Variants in USH2A observed in about 807,000 individuals in gnomAD.
USH2A encodes the protein usherin, also known as Usher syndrome 2A (autosomal recessive, mild).
A neutral mutation model predicts 538.9 loss-of-function variants in USH2A; 443 were observed. That is an observed-to-expected ratio of 0.82 (90% CI 0.76 to 0.89). The LOEUF (loss-of-function observed/expected upper bound fraction) is 0.89, where lower values mean the gene tolerates loss of function less well. Ranked by LOEUF, USH2A falls within the 40% of genes least tolerant of loss-of-function variation. The pLI is 0.00. For missense variants in USH2A, 6,633 were observed against 6,324.8 expected, an observed-to-expected ratio of 1.05 and a Z score of -1.65; for synonymous variants, 2,413 against 2,273.5, an observed-to-expected ratio of 1.06 and a Z score of -1.75.
intron 35 of USH2A, among the ~76,000 whole-genome samples, chr1:215,984,913 G>A (rs1203513610): frequency 1.3e-5 from 2 of 152,178 alleles, no homozygotes; most frequent in African/African-American, 4.8e-5. Flanking sequence ...AATTAAAAAG[G>A]AAAAGAGAGA....
At chr1:215,986,310 C>CTTTTTTTT (rs34962559) in intron 35 of USH2A, among the ~76,000 whole-genome samples, 2 of 131,426 alleles carry the variant, frequency 1.5e-5, no homozygotes, top group African/African-American at 2.8e-5. Context: ...TTTTCTTTTT[C>CTTTTTTTT]TTTTTTTTTT....
intron 35 of USH2A, among the ~76,000 whole-genome samples, chr1:215,979,660 T>A (rs1165049617): frequency 6.6e-6 from 1 of 152,178 alleles, no homozygotes; most frequent in Non-Finnish European, 1.5e-5. Context: ...AGCAGTAGTC[T>A]GTGGCAGAAG....
intron 37 of USH2A, among the ~76,000 whole-genome samples, chr1:215,948,167 T>A (rs1172672690): frequency 6.6e-6 from 1 of 152,040 alleles, no homozygotes; most frequent in Non-Finnish European, 1.5e-5. Flanking sequence ...AGTTTTAAGG[T>A]CTTTTGTTTC....
At chr1:215,788,433 T>C in intron 51 of USH2A, among the ~76,000 whole-genome samples, 1 of 152,144 alleles carries the variant, frequency 6.6e-6, no homozygotes, top group Admixed American at 6.5e-5. Context: ...GCATGAAGCA[T>C]CACAAGATGT....
chr1:216,374,553 C>T (rs957519682), intron 3 of USH2A, among the ~76,000 whole-genome samples: 2 of 152,014 alleles, frequency 1.3e-5, no homozygotes, highest in Non-Finnish European at 2.9e-5. Flanking sequence ...TACAATTTTC[C>T]CCTTTGCAAT....
chr1:216,043,520 G>A (rs2030378373), intron 32 of USH2A, among the ~76,000 whole-genome samples: 1 of 152,016 alleles, frequency 6.6e-6, no homozygotes, highest in African/African-American at 2.4e-5. Flanking sequence ...CTATTACCAT[G>A]GATGTAGGCA....
chr1:216,348,309 G>A (rs2038217242), intron 4 of USH2A, among the ~76,000 whole-genome samples: 1 of 152,008 alleles, frequency 6.6e-6, no homozygotes, highest in African/African-American at 2.4e-5. Context: ...TTCCTTTAAG[G>A]AATCAATCTT....
At chr1:215,762,071 G>A (rs970142766) in intron 56 of USH2A, among the ~76,000 whole-genome samples, 2 of 152,104 alleles carry the variant, frequency 1.3e-5, no homozygotes, top group Non-Finnish European at 1.5e-5. Context: ...ACTTTCTAAG[G>A]AGCAATATAT....
chr1:215,822,959 A>T (rs568753909), intron 47 of USH2A, among the ~76,000 whole-genome samples: 1 of 152,112 alleles, frequency 6.6e-6, no homozygotes, highest in East Asian at 1.9e-4. Flanking sequence ...TTTTGACTTT[A>T]TGTCGTCTCA....
At chr1:216,163,736 C>G (rs1006956678) in intron 21 of USH2A, among the ~76,000 whole-genome samples, 2 of 151,848 alleles carry the variant, frequency 1.3e-5, no homozygotes, top group Non-Finnish European at 2.9e-5. Flanking sequence ...CAATTGAAAA[C>G]CTGGCATGTA....
rs2039680073 is a variant in USH2A at position 216,421,758 on chromosome 1, G to C, written c.485+94C>G. 8 of 1,582,450 alleles carry C rather than the reference G, an allele frequency of 5.1e-6. No homozygotes were observed. In the South Asian group the frequency reaches 6.7e-5, roughly 13 times the overall value. ...TCTTCAATACCATGAATTCTATATA[G>C]CCTTCACTTCCGGTTTGGAATTCAG... is the stretch of plus-strand genomic sequence containing the variant. On this transcript the variant is annotated intron_variant, in intron 2 of 71. Transcript: ENST00000307340.
chr1:216,021,692 C>A (rs1002193567), intron 32 of USH2A, among the ~76,000 whole-genome samples: 2 of 152,154 alleles, frequency 1.3e-5, no homozygotes, highest in African/African-American at 4.8e-5. Context: ...TACAATAAAT[C>A]TCTCTTTCTC....
intron 64 of USH2A, among the ~76,000 whole-genome samples, chr1:215,667,695 C>T (rs1657675686): frequency 6.7e-6 from 1 of 148,760 alleles, no homozygotes; most frequent in African/African-American, 2.5e-5. Flanking sequence ...GAGACTGTGT[C>T]TCAGAAAAAG....
At chr1:215,858,417 T>C (rs1330231499) in intron 44 of USH2A, among the ~76,000 whole-genome samples, 1 of 151,070 alleles carries the variant, frequency 6.6e-6, no homozygotes, top group Admixed American at 6.6e-5. Flanking sequence ...GCTGTTCTCA[T>C]GATAGTGAGT....
At chr1:216,208,021 A>T (rs1055289651) in intron 15 of USH2A, among the ~76,000 whole-genome samples, 29 of 152,286 alleles carry the variant, frequency 1.9e-4, no homozygotes, top group African/African-American at 6.7e-4. Flanking sequence ...AGGTGTTTTT[A>T]AGATGTAATA....
chr1:216,215,003 A>T (rs2035315790), intron 15 of USH2A, among the ~76,000 whole-genome samples: 1 of 152,078 alleles, frequency 6.6e-6, no homozygotes, highest in Admixed American at 6.6e-5. Flanking sequence ...AATGACTATC[A>T]TTTTGAAAGC....
chr1:216,199,644 G>A lies in USH2A; in HGVS notation c.3794C>T (p.Pro1265Leu), dbSNP rs1282426752. ...ATTCTTACCATTTAGTTCCGCTGGT[G>A]GAGACCATTCTACATGAAGTTCTGT... ...SSTELHVEWS[P>L]PAELNGIIIR... is the part of the protein sequence containing the mutation. Residue 1265 changes from proline (P) to leucine (L), a missense_variant, in exon 17 of 72, where the codon CCA becomes CTA. Physicochemically the swap from Pro to Leu is moderately conservative, Grantham distance 98 (BLOSUM62 -3). Coordinates refer to ENST00000307340, the MANE Select transcript of USH2A (RefSeq NM_206933.4). The A allele has an allele frequency of 1.2e-6, 2 of 1,614,058 alleles. No homozygotes were observed. The highest frequency in any genetic ancestry group is 1.7e-6 in the Non-Finnish European group (2 of 1,179,986).
chr1:216,190,191 C>G (rs1189066493), intron 20 of USH2A, 32 bp downstream of exon 20: 1 of 1,611,166 alleles, frequency 6.2e-7, no homozygotes, highest in Admixed American at 1.7e-5. Flanking sequence ...TGATAGGCAA[C>G]AGATTTTTCA....
chr1:216,237,354 C>T lies in USH2A; in HGVS notation c.2810-5218G>A, dbSNP rs77391212. Among the ~76,000 whole-genome samples, 697 of 152,138 alleles carry T rather than the reference C, an allele frequency of 4.6e-3. 6 individuals are homozygous for T. The highest frequency in any genetic ancestry group is 0.016 in the African/African-American group (667 of 41,488). ...GATGAAATAAACAGTATTTATCTAA[C>T]TCACCCTCAAATATTTGTTGTGTGA... On this transcript the variant is annotated intron_variant, in intron 13 of 71. Coordinates refer to ENST00000307340, the MANE Select transcript of USH2A (RefSeq NM_206933.4).
Sources: gnomAD v4.1 joint callset for allele counts (sites outside exome capture counted in the v4.1 genomes callset) on GRCh38, gnomAD v4.1.1 for gene constraint, MANE v1.5 for transcripts, NCBI Gene and HGNC (gene_info 2026-07-23, HGNC 2026-07-21) for gene names.